Variants in UROC1 observed in about 807,000 individuals in gnomAD.
UROC1 encodes urocanate hydratase 1.
UROC1 carries 79 observed loss-of-function variants against 89.5 expected under a neutral mutation model. The ratio of observed to expected loss-of-function variants is 0.88; its 90% CI spans 0.74 to 1.06. UROC1 has a LOEUF of 1.06. Among genes scored for constraint, UROC1 ranks in the 50% least tolerant of loss-of-function variants. The pLI is 0.00. For missense variants in UROC1, 885 were observed against 907.8 expected, an observed-to-expected ratio of 0.97 and a Z score of 0.32; for synonymous variants, 361 against 354.8, an observed-to-expected ratio of 1.02 and a Z score of -0.20.
At chr3:126,503,818 CGTGT>C (rs145913960) in intron 9 of UROC1, among the ~76,000 whole-genome samples, 173 bp downstream of exon 9, 3 of 151,622 alleles carry the variant, frequency 2.0e-5, no homozygotes, top group Non-Finnish European at 2.9e-5. Flanking sequence ...CCCTTGTGTG[CGTGT>C]GTGTGTGTGT....
At chr3:126,508,161 C>T (rs1043337134) in intron 4 of UROC1, 66 bp from the exon 5 acceptor site, 7 of 1,611,518 alleles carry the variant, frequency 4.3e-6, no homozygotes, top group Non-Finnish European at 5.9e-6. Flanking sequence ...AGCCCCACAC[C>T]ACCGTCCACG....
At chr3:126,508,573 TG>T in intron 3 of UROC1, 98 bp from the exon 4 acceptor site, 1 of 972,076 alleles carries the variant, frequency 1.0e-6, no homozygotes, top group South Asian at 1.4e-5. Flanking sequence ...GGGGGCCCAA[TG>T]GGACAAGGAG....
intron 1 of UROC1, among the ~76,000 whole-genome samples, chr3:126,511,080 C>T (rs2107550395): frequency 6.6e-6 from 1 of 152,258 alleles, no homozygotes; most frequent in South Asian, 2.1e-4. Flanking sequence ...GCTGCTTACC[C>T]CCAGGCAGGC....
At chr3:126,501,750 T>C (rs778730972) in intron 9 of UROC1, 498 of 1,578,650 alleles carry the variant, frequency 3.2e-4, no homozygotes, top group Non-Finnish European at 3.9e-4. Flanking sequence ...AAAGCAGCAA[T>C]GCACAGGGAA....
At chr3:126,486,778 A>C (rs1425623214) in intron 18 of UROC1, among the ~76,000 whole-genome samples, 1 of 152,144 alleles carries the variant, frequency 6.6e-6, no homozygotes, top group African/African-American at 2.4e-5. Flanking sequence ...TGGGGATGGA[A>C]TTGGGAGTGG....
At chr3:126,506,124 T>A in intron 6 of UROC1, 113 bp from the exon 7 acceptor site, 1 of 1,110,766 alleles carries the variant, frequency 9.0e-7, no homozygotes, top group Non-Finnish European at 1.4e-6. Flanking sequence ...CAATAGGCAT[T>A]AATATATTCT....
intron 19 of UROC1, 70 bp from the exon 20 acceptor site, chr3:126,482,555 C>A (rs574313608): frequency 6.2e-7 from 1 of 1,610,228 alleles, no homozygotes; most frequent in Non-Finnish European, 8.5e-7. Flanking sequence ...TTGGCTCCCA[C>A]ACTTGGGGCC....
At chr3:126,508,965 G>A (rs1318234155) in intron 3 of UROC1, among the ~76,000 whole-genome samples, 1 of 152,148 alleles carries the variant, frequency 6.6e-6, no homozygotes, top group East Asian at 1.9e-4. Flanking sequence ...GTCATGAGTG[G>A]CTTTTCAGCT....
In UROC1 at chr3:126,509,273, T is replaced by C. The variant is rs77529728; in HGVS notation, c.351+312A>G. On this transcript the variant is annotated intron_variant, in intron 3 of 19. Transcript: ENST00000290868. ...AAAAAAAGTAAAAAAATAATATTTT[T>C]GATATATCAGGATGAATAAAATATA... 3.0e-3 allele frequency among the ~76,000 whole-genome samples: 453 copies of C among 152,078 alleles called. 1 individual carries two copies. Among genetic ancestry groups the C allele is most frequent in the Non-Finnish European group, 5.3e-3 (360 of 67,988 alleles).
rs996455736 is a variant in UROC1 at position 126,482,062 on chromosome 3, C to A, written c.*283G>T. 1 of 497,224 alleles carries A rather than the reference C, an allele frequency of 2.0e-6. No individual in the cohort carries two copies. The highest frequency in any genetic ancestry group is 1.9e-5 in the African/African-American group (1 of 51,606). 30.8% of individuals were successfully genotyped at this position (497,224 alleles called of 1,614,324 possible). A position where few individuals can be genotyped will look rare whatever the true frequency, so the allele number is the denominator to read the frequency against. On this transcript the variant is annotated 3_prime_UTR_variant, in exon 20 of 20. Transcript: ENST00000290868. ...GCTTGACCAGTGTTCACCGCAGGGC[C>A]CCCGGGCAGGCTTGGGACTTGGCCC...
At chr3:126,496,889 C>T (rs1359565672) in intron 14 of UROC1, among the ~76,000 whole-genome samples, 1 of 152,202 alleles carries the variant, frequency 6.6e-6, no homozygotes, top group African/African-American at 2.4e-5. Flanking sequence ...GCATGTGGAG[C>T]TGGGTCAGCA....
intron 10 of UROC1, 99 bp downstream of exon 10, chr3:126,501,119 G>T (rs1350807463): frequency 2.2e-6 from 3 of 1,381,100 alleles, no homozygotes; most frequent in Non-Finnish European, 3.1e-6. Flanking sequence ...GGGGCTCAAA[G>T]CTTTGTGTCC....
chr3:126,498,086 G>T lies in UROC1; in HGVS notation c.1403C>A (p.Ala468Asp), dbSNP rs778885525. ...AATGGCTTCCTCCAGCACAGATGTG[G>T]CCAGTTCGTCTGTGACCGCCAGGTC... Reference protein sequence around the residue: ...PQDLAVTDELATSVLEEAIAD... With the variant: ...PQDLAVTDELDTSVLEEAIAD... Residue 468 changes from alanine to aspartate, a missense_variant, in exon 14 of 20, where the codon GCC becomes GAC. Transcript: ENST00000290868. 18 of 1,614,128 alleles carry T rather than the reference G, an allele frequency of 1.1e-5. No individual in the cohort carries two copies. In the Admixed American group the frequency reaches 1.7e-4, roughly 15 times the overall value.
intron 1 of UROC1, among the ~76,000 whole-genome samples, chr3:126,513,535 T>C (rs1461032308): frequency 6.6e-6 from 1 of 152,204 alleles, no homozygotes; most frequent in African/African-American, 2.4e-5. Context: ...ACATGCACAT[T>C]GCCGCTCTCT....
At chr3:126,487,098 C>T (rs989105979) in intron 18 of UROC1, among the ~76,000 whole-genome samples, 1 of 152,174 alleles carries the variant, frequency 6.6e-6, no homozygotes, top group Admixed American at 6.5e-5. Context: ...CTCAGGGCTG[C>T]CTGAATTCTG....
At chr3:126,490,729 A>G (rs936147888) in intron 16 of UROC1, among the ~76,000 whole-genome samples, 1 of 152,018 alleles carries the variant, frequency 6.6e-6, no homozygotes, top group Non-Finnish European at 1.5e-5. Context: ...AACAGAGTGA[A>G]GGAACTGGGA....
At position 126,505,831 on chromosome 3, in the gene UROC1, T is replaced by C; in HGVS notation, c.683A>G (p.Asn228Ser). 1 of 1,613,800 alleles carries C rather than the reference T, an allele frequency of 6.2e-7. No individual in the cohort carries two copies. The highest frequency in any genetic ancestry group is 8.5e-7 in the Non-Finnish European group (1 of 1,180,028). ...GATGCCCAGGTACCGACGTGCAGCA[T>C]TCAACACGGTGAGCTGCAGGGAGAA... ...IVHGTVLTVL[N>S]AARRYLGIED... The change falls in exon 8 of 20, where the codon AAT (asparagine) becomes AGT (serine). Residue 228 changes from asparagine (N) to serine (S), a missense_variant. Coordinates refer to ENST00000290868, the MANE Select transcript of UROC1 (RefSeq NM_144639.3).
At chr3:126,496,195 T>G (rs1935772816) in intron 14 of UROC1, 87 bp from the exon 15 acceptor site, 1 of 1,354,984 alleles carries the variant, frequency 7.4e-7, no homozygotes, top group Non-Finnish European at 1.0e-6. Flanking sequence ...GCACAGACCC[T>G]GCCCCGAGCC....
At chr3:126,512,083 C>T (rs1936207635) in intron 1 of UROC1, among the ~76,000 whole-genome samples, 1 of 152,218 alleles carries the variant, frequency 6.6e-6, no homozygotes, top group South Asian at 2.1e-4. Flanking sequence ...GAAAGGCTCA[C>T]TCTCACTGGC....
Sources: gnomAD v4.1 joint callset for allele counts (sites outside exome capture counted in the v4.1 genomes callset) on GRCh38, gnomAD v4.1.1 for gene constraint, MANE v1.5 for transcripts, NCBI Gene and HGNC (gene_info 2026-07-23, HGNC 2026-07-21) for gene names.